ATRX: variants seen among roughly 807,000 people sequenced by gnomAD.
ATRX encodes chromatin remodeler ATRX.
A neutral mutation model predicts 172.6 loss-of-function variants in ATRX; 12 were observed. The observed-to-expected ratio is 0.07, with a 90% CI of 0.04 to 0.11. The LOEUF (loss-of-function observed/expected upper bound fraction) is 0.11, where lower values mean the gene tolerates loss of function less well. ATRX is among the 10% of genes least tolerant of loss of function. The pLI, the probability that ATRX is intolerant of heterozygous loss-of-function variation, is 1.00. For synonymous variants in ATRX, 674 were observed against 594.7 expected (o/e 1.13, Z -1.94); for missense variants, 1,368 against 1,767.4 (o/e 0.77, Z 4.05).
intron 22 of ATRX, among the ~76,000 whole-genome samples, chrX:77,605,976 G>C (rs1353998313): frequency 2.7e-5 from 3 of 111,449 alleles, no homozygotes; most frequent in African/African-American, 9.8e-5. Flanking sequence ...CCAACTATAT[G>C]CCAATAAATT....
chrX:77,652,047 C>T (rs191264391), intron 15 of ATRX, 67 bp downstream of exon 15: 4 of 1,151,938 alleles, frequency 3.5e-6, no homozygotes, highest in Middle Eastern at 2.5e-4. Context: ...GAGTTCGAGG[C>T]CAGCCTGGGC....
intron 9 of ATRX, among the ~76,000 whole-genome samples, chrX:77,679,141 C>T (rs1320020501): frequency 1.8e-5 from 2 of 110,882 alleles, no homozygotes; most frequent in African/African-American, 6.6e-5. Context: ...CTTTTTACAG[C>T]GCTTATTTTC....
chrX:77,722,801 G>C (rs974889685), intron 1 of ATRX, among the ~76,000 whole-genome samples: 1 of 111,528 alleles, frequency 9.0e-6, no homozygotes, highest in Non-Finnish European at 1.9e-5. Context: ...CAAGGATCTA[G>C]AACTAGAAAT....
At chrX:77,587,579 T>G (rs1280811858) in intron 27 of ATRX, among the ~76,000 whole-genome samples, 1 of 111,909 alleles carries the variant, frequency 8.9e-6, no homozygotes, top group East Asian at 2.8e-4. Context: ...CTTGCCACTT[T>G]CACTCAACAT....
At chrX:77,687,061 G>A (rs1163468032) in intron 7 of ATRX, among the ~76,000 whole-genome samples, 1 of 103,463 alleles carries the variant, frequency 9.7e-6, no homozygotes, top group Non-Finnish European at 1.9e-5. Flanking sequence ...GGCTGAGGCA[G>A]GAGAATCACT....
chrX:77,706,991 A>C (rs1361836790), intron 2 of ATRX, among the ~76,000 whole-genome samples: 1 of 112,668 alleles, frequency 8.9e-6, no homozygotes, highest in Non-Finnish European at 1.9e-5. Context: ...AAATATGAAT[A>C]GATAAACAAA....
chrX:77,732,685 C>A (rs1182073651), intron 1 of ATRX, among the ~76,000 whole-genome samples: 1 of 111,891 alleles, frequency 8.9e-6, no homozygotes, highest in Non-Finnish European at 1.9e-5. Flanking sequence ...CATATTATAT[C>A]AATTGATGCT....
intron 18 of ATRX, 62 bp downstream of exon 18, chrX:77,633,504 T>G: frequency 8.9e-7 from 1 of 1,121,077 alleles, no homozygotes; most frequent in South Asian, 2.0e-5. Context: ...AAATTAAAAA[T>G]AGTTTACTAT....
intron 1 of ATRX, among the ~76,000 whole-genome samples, chrX:77,740,139 G>T (rs1170186122): frequency 9.3e-6 from 1 of 106,955 alleles, no homozygotes; most frequent in Non-Finnish European, 1.9e-5. Context: ...GATTTTGGAG[G>T]TCCTCACTTC....
chrX:77,786,002 G>C lies in ATRX; in HGVS notation c.-1C>G. The C allele has an allele frequency of 1.7e-6, 2 of 1,194,186 alleles. No homozygotes were observed. Among genetic ancestry groups the C allele is most frequent in the Non-Finnish European group, 2.3e-6 (2 of 887,034 alleles). On this transcript the variant is annotated 5_prime_UTR_variant, in exon 1 of 35. Transcript: ENST00000373344. The stretch of plus-strand genomic sequence containing the variant: ...TTTACCTCATGGGCTCAGCGGTCAT[G>C]TTTTCGCTTGAACGCCTTGTCGGCT...
rs782686541 is a variant in ATRX at position 77,520,919 on chromosome X, A to G, written c.7072-3T>C. The G allele has an allele frequency of 1.2e-5, 15 of 1,202,938 alleles. No homozygotes were observed. The highest frequency in any genetic ancestry group is 1.7e-5 in the Non-Finnish European group (15 of 889,075). On this transcript the variant is annotated splice_polypyrimidine_tract_variant and splice_region_variant and intron_variant, in intron 33 of 34. Transcript: ENST00000373344. ...GAGAGATTCATGTTCTCCTTCCACT[A>G]AAAGAAAAATTTTCTATTTACTCCT...
At chrX:77,768,100 A>G (rs2076037884) in intron 1 of ATRX, among the ~76,000 whole-genome samples, 1 of 112,320 alleles carries the variant, frequency 8.9e-6, no homozygotes, top group African/African-American at 3.2e-5. Context: ...CATTCTATTA[A>G]TAACACTATG....
chrX:77,664,322 TG>T lies in ATRX; in HGVS notation c.3943+322del, dbSNP rs1164635033. Among the ~76,000 whole-genome samples, 4 of 109,391 alleles carry T rather than the reference TG, an allele frequency of 3.7e-5. No individual in the cohort carries two copies. In the Admixed American group the frequency reaches 3.9e-4, roughly 11 times the overall value. The allele number at this position is 109,391 out of a possible 115,157, so 95.0% of individuals were successfully genotyped here. Reference sequence around the variant, plus strand: ...TCACCCAGGCTGGAGTGCAGCAGCGTGATCTCGGCTCACTGCAACCTCTGCC... The same window carrying T: ...TCACCCAGGCTGGAGTGCAGCAGCGTATCTCGGCTCACTGCAACCTCTGCC... On this transcript the variant is annotated intron_variant, in intron 11 of 34. Coordinates refer to ENST00000373344, the MANE Select transcript of ATRX (RefSeq NM_000489.6).
chrX:77,664,914 T>A, intron 10 of ATRX, 136 bp from the exon 11 acceptor site: 1 of 630,512 alleles, frequency 1.6e-6, no homozygotes, highest in Non-Finnish European at 2.3e-6. Flanking sequence ...AATAAACAAC[T>A]AGCAAAACCA....
intron 1 of ATRX, among the ~76,000 whole-genome samples, chrX:77,773,098 A>AG (rs1285565702): frequency 9.6e-6 from 1 of 104,478 alleles, no homozygotes; most frequent in Non-Finnish European, 2.0e-5. Context: ...CAGCTAAAAA[A>AG]AAAAAAAAAA....
chrX:77,649,638 G>A (rs925747903), intron 15 of ATRX, among the ~76,000 whole-genome samples: 10 of 111,506 alleles, frequency 9.0e-5, no homozygotes, highest in South Asian at 3.8e-4. Context: ...ATTGAATCAC[G>A]GGGGCAGGTC....
Position 77,681,769 on chromosome X carries a change from C to T in ATRX, c.3487G>A (p.Glu1163Lys), listed in dbSNP as rs1303048821. 2.5e-6 allele frequency: 3 copies of T among 1,197,409 alleles called. No individual in the cohort carries two copies. Among genetic ancestry groups the T allele is most frequent in the African/African-American group, 1.8e-5 (1 of 56,248 alleles). Reference protein sequence around the residue: ...SSSSDAEESSEDNKKKKQRTS... With the variant: ...SSSSDAEESSKDNKKKKQRTS... The stretch of plus-strand genomic sequence containing the variant: ...CTTTGCTTCTTCTTTTTATTATCTT[C>T]AGAACTTTCCTCAGCATCAGATGAT... The change falls in exon 9 of 35, where the codon GAA becomes AAA. Residue 1163 changes from glutamate (E) to lysine (K), a missense_variant. By Grantham distance (56) the Glu-to-Lys change is moderately conservative. Coordinates refer to ENST00000373344, the MANE Select transcript of ATRX (RefSeq NM_000489.6).
intron 34 of ATRX, among the ~76,000 whole-genome samples, chrX:77,513,402 A>G (rs1257251340): frequency 9.2e-6 from 1 of 109,239 alleles, no homozygotes; most frequent in African/African-American, 3.3e-5. Flanking sequence ...GCTGCCACCG[A>G]AAGACAAGGA....
intron 26 of ATRX, among the ~76,000 whole-genome samples, chrX:77,593,229 G>GAAAAAAAA (rs781904850): frequency 1.8e-5 from 1 of 55,164 alleles, no homozygotes; most frequent in Non-Finnish European, 3.5e-5. Context: ...GTCTCATAAT[G>GAAAAAAAA]AAAAAAAAAA....
Sources: gnomAD v4.1 joint callset for allele counts (sites outside exome capture counted in the v4.1 genomes callset) on GRCh38, gnomAD v4.1.1 for gene constraint, MANE v1.5 for transcripts, NCBI Gene and HGNC (gene_info 2026-07-23, HGNC 2026-07-21) for gene names.